ANKUB1: variants seen among roughly 807,000 people sequenced by gnomAD.
ANKUB1 encodes the protein protein ANKUB1.
In ANKUB1, 42 loss-of-function variants were observed where a neutral mutation model predicts 49.3. The observed-to-expected ratio is 0.85, with a 90% confidence interval of 0.67 to 1.10. ANKUB1 has a LOEUF of 1.10. ANKUB1 is among the 50% of genes least tolerant of loss of function. The probability of loss-of-function intolerance (pLI) is 0.00; values close to 1 mark genes in which losing one functional copy is unlikely to be tolerated. For synonymous variants in ANKUB1, 222 were observed against 231.0 expected (o/e 0.96, Z 0.35); for missense variants, 613 against 642.0 (o/e 0.95, Z 0.49).
intron 2 of ANKUB1, among the ~76,000 whole-genome samples, chr3:149,781,813 G>A (rs1184906133): frequency 6.6e-6 from 1 of 152,194 alleles, no homozygotes; most frequent in Non-Finnish European, 1.5e-5. Flanking sequence ...AGTGACTGAA[G>A]TGATTAGGAA....
intron 2 of ANKUB1, among the ~76,000 whole-genome samples, chr3:149,789,640 T>TA (rs1276443658): frequency 5.9e-5 from 9 of 151,286 alleles, no homozygotes; most frequent in Non-Finnish European, 1.2e-4. Flanking sequence ...CTTTTTTTTT[T>TA]TTTTTCCGAG....
In ANKUB1 at chr3:149,790,997, C is replaced by A. The variant is rs940911966; in HGVS notation, c.91-73G>T. ...TAGACCAGAAATGTACTCTCTTTCC[C>A]TTTACATTTTTTTCCTCTGGGCATT... On this transcript the variant is annotated intron_variant, in intron 1 of 5. Coordinates refer to ENST00000446160, the MANE Select transcript of ANKUB1 (RefSeq NM_001144960.3). 4.8e-5 allele frequency: 67 copies of A among 1,409,976 alleles called. 1 individual carries two copies. The Admixed American group carries it at 1.3e-3, about 26-fold the overall frequency. 87.3% of individuals were successfully genotyped at this position (1,409,976 alleles called of 1,614,324 possible). A position where few individuals can be genotyped will look rare whatever the true frequency, so the allele number is the denominator to read the frequency against.
At chr3:149,782,880 G>T (rs1717930635) in intron 2 of ANKUB1, among the ~76,000 whole-genome samples, 1 of 152,110 alleles carries the variant, frequency 6.6e-6, no homozygotes, top group South Asian at 2.1e-4. Flanking sequence ...GTGCAAGGAA[G>T]AAAATATTAC....
intron 3 of ANKUB1, 27 bp from the exon 4 acceptor site, chr3:149,770,701 G>T (rs577591518): frequency 2.1e-6 from 3 of 1,415,592 alleles, no homozygotes; most frequent in Non-Finnish European, 2.9e-6. Context: ...GTGGTTTATG[G>T]TTCCAGTCCA....
chr3:149,779,803 C>G (rs1717772390), intron 3 of ANKUB1: 1 of 165,334 alleles, frequency 6.0e-6, no homozygotes, highest in Non-Finnish European at 1.3e-5. Flanking sequence ...GCTTTGAGAA[C>G]AAGACTTGAC....
chr3:149,792,502 A>T lies in ANKUB1; in HGVS notation c.-136T>A. On this transcript the variant is annotated 5_prime_UTR_variant, in exon 1 of 6. Transcript: ENST00000446160. ...CTGTCACTGTCTAGCCTCAAAGGTA[A>T]GTTGTAGAATGTGAAGAGCCTAGTC... is the stretch of plus-strand genomic sequence containing the variant. 6 of 578,004 alleles carry T rather than the reference A, an allele frequency of 1.0e-5. No homozygotes were observed. The highest frequency in any genetic ancestry group is 1.7e-5 in the Non-Finnish European group (6 of 354,628). 35.8% of individuals were successfully genotyped at this position (578,004 alleles called of 1,614,324 possible).
chr3:149,770,655 A>G lies in ANKUB1; in HGVS notation c.471T>C (p.Asp157=), dbSNP rs7630153. The G allele has an allele frequency of 0.31, 479,044 of 1,545,762 alleles. 80,391 individuals carry two copies. The highest frequency in any genetic ancestry group is 0.61 in the African/African-American group (43,972 of 72,680). ...GAAATTCCTTCCATCCATCCCAGAC[A>G]TCCAAGCGAAGTGTTGTGCCTGTGG... ...QTDIGTTLRL[D]VWDGWKEFLM... Residue 157 remains aspartate, a synonymous_variant, in exon 4 of 6, where the codon GAT becomes GAC. Transcript: ENST00000446160.
At chr3:149,787,222 ATTTG>A (rs1419919980) in intron 2 of ANKUB1, among the ~76,000 whole-genome samples, 1 of 152,120 alleles carries the variant, frequency 6.6e-6, no homozygotes, top group Non-Finnish European at 1.5e-5. Context: ...ATGTTCTTCC[ATTTG>A]TTTGTGTCCT....
intron 3 of ANKUB1, among the ~76,000 whole-genome samples, chr3:149,773,212 T>C (rs973311218): frequency 1.3e-5 from 2 of 152,162 alleles, no homozygotes; most frequent in African/African-American, 4.8e-5. Flanking sequence ...AAAGGATATC[T>C]CCCTGCCAGT....
At chr3:149,781,478 T>C (rs1005951889) in intron 2 of ANKUB1, among the ~76,000 whole-genome samples, 1 of 152,230 alleles carries the variant, frequency 6.6e-6, no homozygotes, top group Non-Finnish European at 1.5e-5. Context: ...CAGATGTCAG[T>C]GCATGGCACC....
At chr3:149,785,980 G>A (rs1249033321) in intron 2 of ANKUB1, among the ~76,000 whole-genome samples, 1 of 152,184 alleles carries the variant, frequency 6.6e-6, no homozygotes, top group African/African-American at 2.4e-5. Flanking sequence ...GTATCTCATT[G>A]TGGTTTTGAT....
chr3:149,776,680 G>A (rs1717608846), intron 3 of ANKUB1, among the ~76,000 whole-genome samples: 1 of 152,216 alleles, frequency 6.6e-6, no homozygotes, highest in Non-Finnish European at 1.5e-5. Context: ...GTGATCTAGG[G>A]CCAGGTGCAG....
chr3:149,787,289 A>G (rs1168863275), intron 2 of ANKUB1, among the ~76,000 whole-genome samples: 2 of 152,140 alleles, frequency 1.3e-5, no homozygotes, highest in Non-Finnish European at 2.9e-5. Flanking sequence ...GGTCCTTCAC[A>G]TCCCTTGTAA....
chr3:149,771,813 C>T (rs62268796), intron 3 of ANKUB1, among the ~76,000 whole-genome samples: 85 of 152,082 alleles, frequency 5.6e-4, no homozygotes, highest in Non-Finnish European at 1.1e-3. Context: ...TTCCCAAGTC[C>T]CAATCTCCAG....
rs528873132 is a variant in ANKUB1, at chr3:149,779,001, C to T, written c.451+1238G>A. On this transcript the variant is annotated intron_variant, in intron 3 of 5. Coordinates refer to ENST00000446160, the MANE Select transcript of ANKUB1 (RefSeq NM_001144960.3). ...CAAGTAATTTCTATAAGGTTCTAAC[C>T]ATTTTTAAAAAGTGTGAAATGTTTC... 3.3e-5 allele frequency: 5 copies of T among 152,206 alleles called. No individual in the cohort carries two copies. In the East Asian group the frequency reaches 9.7e-4, roughly 29 times the overall value. 9.4% of individuals were successfully genotyped at this position (152,206 alleles called of 1,614,324 possible).
intron 2 of ANKUB1, among the ~76,000 whole-genome samples, chr3:149,787,198 T>A (rs374953435): frequency 1.3e-5 from 2 of 152,214 alleles, no homozygotes; most frequent in Admixed American, 6.5e-5. Flanking sequence ...ATTCTTCCTA[T>A]CCATGAGCAT....
Position 149,761,137 on chromosome 3 carries a change from C to A in ANKUB1, c.*347G>T, listed in dbSNP as rs1386151672. Reference sequence around the variant, plus strand: ...TTCTACATTCATATGGCTTAAAAAACCAAAACACATTTTTTTAGGAAAAAA... The same window carrying A: ...TTCTACATTCATATGGCTTAAAAAAACAAAACACATTTTTTTAGGAAAAAA... On this transcript the variant is annotated 3_prime_UTR_variant, in exon 6 of 6. Coordinates refer to ENST00000446160, the MANE Select transcript of ANKUB1 (RefSeq NM_001144960.3). 2 of 156,228 alleles carry A rather than the reference C, an allele frequency of 1.3e-5. No individual in the cohort carries two copies. Among genetic ancestry groups the A allele is most frequent in the African/African-American group, 4.8e-5 (2 of 41,488 alleles). 9.7% of individuals were successfully genotyped at this position (156,228 alleles called of 1,614,324 possible).
chr3:149,792,492 C>T lies in ANKUB1; in HGVS notation c.-126G>A. 1.6e-6 allele frequency: 1 copy of T among 639,262 alleles called. No individual in the cohort carries two copies. The highest frequency in any genetic ancestry group is 2.5e-6 in the Non-Finnish European group (1 of 401,838). 39.6% of individuals were successfully genotyped at this position (639,262 alleles called of 1,614,324 possible). ...CCAGAGGCAGCTGTCACTGTCTAGCCTCAAAGGTAAGTTGTAGAATGTGAA... is the reference window on the plus strand; with the variant it reads ...CCAGAGGCAGCTGTCACTGTCTAGCTTCAAAGGTAAGTTGTAGAATGTGAA... On this transcript the variant is annotated 5_prime_UTR_variant, in exon 1 of 6. Coordinates refer to ENST00000446160, the MANE Select transcript of ANKUB1 (RefSeq NM_001144960.3).
chr3:149,773,891 C>T (rs1296980105), intron 3 of ANKUB1, among the ~76,000 whole-genome samples: 6 of 152,092 alleles, frequency 3.9e-5, no homozygotes, highest in African/African-American at 1.4e-4. Flanking sequence ...AGGCCAGGGT[C>T]CCAGTGCAGT....
Sources: gnomAD v4.1 joint callset for allele counts (sites outside exome capture counted in the v4.1 genomes callset) on GRCh38, gnomAD v4.1.1 for gene constraint, MANE v1.5 for transcripts, NCBI Gene and HGNC (gene_info 2026-07-23, HGNC 2026-07-21) for gene names.